The following CLCN7 variants were observed in gnomAD, a reference collection of about 807,000 sequenced individuals.
The protein encoded by CLCN7 is Cl-/H+ antiporter 7.
CLCN7 carries 60 observed loss-of-function variants against 102.1 expected under a neutral mutation model. That is an observed-to-expected ratio of 0.59 (90% confidence interval 0.48 to 0.73). The LOEUF is 0.73. CLCN7 is among the 30% of genes least tolerant of loss of function. The pLI is 0.00. For missense variants in CLCN7, 962 were observed against 1,125.7 expected (o/e 0.85, Z 2.08); for synonymous variants, 560 against 490.5 (o/e 1.14, Z -1.87).
rs560363697 is a variant in CLCN7, at chr16:1,466,442, C to A, written c.142-1104G>T. Among the ~76,000 whole-genome samples the A allele has an allele frequency of 1.3e-5, 2 of 152,350 alleles. 1 individual carries two copies. Among genetic ancestry groups the A allele is most frequent in the South Asian group, 4.1e-4 (2 of 4,832 alleles). On this transcript the variant is annotated intron_variant, in intron 1 of 24. Coordinates refer to ENST00000382745, the MANE Select transcript of CLCN7 (RefSeq NM_001287.6). ...GCCGAGGTGGGGACGGGGAGACGTG[C>A]AGGAACGGCCTGCACTGGGGCCCAG...
At position 1,465,278 on chromosome 16, in the gene CLCN7, G is replaced by T. The variant is rs926749321; in HGVS notation, c.202C>A (p.Leu68Ile). The change falls in exon 2 of 25, where the codon CTT (leucine) becomes ATT (isoleucine). Residue 68 changes from leucine to isoleucine, a missense_variant. Physicochemically the swap from Leu to Ile is conservative, Grantham distance 5. Around this residue, in one of 2 missense-constraint regions of CLCN7, gnomAD observed 163 missense variants for 137.7 expected, o/e 1.18. Transcript: ENST00000382745. ...HMSSVELDDE[L>I]LDPDMDPPHP... ...CACCCCCAACTCACCGGGTCCAAAAGTTCATCATCCAGCTCCACGCTGCTC... is the reference window on the plus strand; with the variant it reads ...CACCCCCAACTCACCGGGTCCAAAATTTCATCATCCAGCTCCACGCTGCTC... 1.2e-6 allele frequency: 2 copies of T among 1,613,686 alleles called. No individual in the cohort carries two copies. The highest frequency in any genetic ancestry group is 2.7e-5 in the African/African-American group (2 of 74,936).
intron 6 of CLCN7, among the ~76,000 whole-genome samples, 199 bp downstream of exon 6, chr16:1,460,219 C>T (rs903799483): frequency 5.3e-5 from 8 of 151,760 alleles, no homozygotes; most frequent in Non-Finnish European, 8.8e-5. Context: ...GAGCAGCACC[C>T]CAGGGCTCTG....
chr16:1,474,205 C>T (rs1284296282), intron 1 of CLCN7: 3 of 456,144 alleles, frequency 6.6e-6, no homozygotes, highest in Admixed American at 4.7e-5. Context: ...CGCATTCCAA[C>T]CTCTGACTTG....
rs1226530946 is a variant in CLCN7 at position 1,474,918 on chromosome 16, C to G, written c.57G>C (p.Glu19Asp). ...SWSGRDRDDE[E>D]AAPLLRRTAR... The stretch of plus-strand genomic sequence containing the variant: ...CCGTCCTCCGCAGCAGCGGCGCCGC[C>G]TCCTCGTCGTCCCGGTCCCGGCCGG... Residue 19 changes from glutamate to aspartate, a missense_variant, in exon 1 of 25, where the codon GAG becomes GAC. Physicochemically the swap from Glu to Asp is conservative, Grantham distance 45. Transcript: ENST00000382745. 1.4e-6 allele frequency: 2 copies of G among 1,473,320 alleles called. No homozygotes were observed. Among genetic ancestry groups the G allele is most frequent in the Non-Finnish European group, 9.0e-7 (1 of 1,116,612 alleles). The allele number at this position is 1,473,320 out of a possible 1,614,324, so 91.3% of individuals were successfully genotyped here.
At chr16:1,470,698 A>G (rs2039066680) in intron 1 of CLCN7, among the ~76,000 whole-genome samples, 1 of 152,176 alleles carries the variant, frequency 6.6e-6, no homozygotes. Flanking sequence ...ACCAAGGGGC[A>G]CTTCCTCAAG....
At chr16:1,446,877 G>A (rs1376565332) in intron 24 of CLCN7, 129 bp downstream of exon 24, 2 of 1,138,740 alleles carry the variant, frequency 1.8e-6, no homozygotes, top group Admixed American at 2.0e-5. Context: ...GTGCAGCCAT[G>A]GGGCATGGGC....
intron 1 of CLCN7, among the ~76,000 whole-genome samples, chr16:1,465,859 C>T (rs1331382357): frequency 2.6e-5 from 4 of 152,210 alleles, no homozygotes; most frequent in Non-Finnish European, 5.9e-5. Context: ...GGGTCTCAGC[C>T]ACCTAAGGCT....
intron 17 of CLCN7, chr16:1,449,645 C>A (rs2038712052): frequency 2.4e-6 from 1 of 424,860 alleles, no homozygotes; most frequent in South Asian, 2.3e-5. Flanking sequence ...CCCCGGCACA[C>A]ACGACACAGA....
At chr16:1,450,784 T>A in intron 16 of CLCN7, 118 bp from the exon 17 acceptor site, 1 of 893,622 alleles carries the variant, frequency 1.1e-6, no homozygotes, top group Non-Finnish European at 1.6e-6. Context: ...CAACCTGAGC[T>A]CCCGAGCCCA....
chr16:1,460,327 G>C, intron 6 of CLCN7, 91 bp downstream of exon 6: 1 of 924,348 alleles, frequency 1.1e-6, no homozygotes, highest in Non-Finnish European at 1.8e-6. Flanking sequence ...TGTGATGGTG[G>C]GGGTGGGTGA....
At chr16:1,447,317 C>CA in intron 23 of CLCN7, 75 bp downstream of exon 23, 1 of 1,452,442 alleles carries the variant, frequency 6.9e-7, no homozygotes, top group Non-Finnish European at 9.2e-7. Context: ...CCGGCTGCCC[C>CA]TCCCCGAGGC....
intron 2 of CLCN7, among the ~76,000 whole-genome samples, chr16:1,462,526 C>A (rs1316998616): frequency 6.6e-6 from 1 of 151,632 alleles, no homozygotes; most frequent in Non-Finnish European, 1.5e-5. Context: ...CAGGTGTGCA[C>A]CACCACGCCT....
At chr16:1,469,827 G>A (rs1303431611) in intron 1 of CLCN7, among the ~76,000 whole-genome samples, 1 of 152,262 alleles carries the variant, frequency 6.6e-6, no homozygotes, top group South Asian at 2.1e-4. Flanking sequence ...TGTGCCGATG[G>A]ATGAGTGAGT....
Position 1,448,885 on chromosome 16 carries a change from G to A in CLCN7, c.1797+81C>T, listed in dbSNP as rs551660579. The stretch of plus-strand genomic sequence containing the variant: ...AACCCTGAGCCTACCCCCCGGGACC[G>A]GCTGTTTGGAGGCTCACAGGGGCCC... On this transcript the variant is annotated intron_variant, in intron 19 of 24. Transcript: ENST00000382745. 1,462 of 1,601,658 alleles carry A rather than the reference G, an allele frequency of 9.1e-4. 13 individuals are homozygous for A. In the African/African-American group the frequency reaches 0.017, roughly 19 times the overall value.
At chr16:1,448,223 C>T in intron 21 of CLCN7, 132 bp downstream of exon 21, 2 of 1,242,788 alleles carry the variant, frequency 1.6e-6, no homozygotes, top group Non-Finnish European at 2.3e-6. Context: ...CACTCAGCTT[C>T]CGGCACTCCT....
chr16:1,454,291 G>T, intron 13 of CLCN7, 120 bp downstream of exon 13: 1 of 991,516 alleles, frequency 1.0e-6, no homozygotes, highest in Admixed American at 1.9e-5. Context: ...AGGCCCCCGG[G>T]TGGCCCTGGG....
chr16:1,473,663 G>A (rs922958106), intron 1 of CLCN7, among the ~76,000 whole-genome samples: 2 of 151,626 alleles, frequency 1.3e-5, no homozygotes, highest in African/African-American at 2.4e-5. Context: ...GTGAGCCACC[G>A]TGCCCTGCCG....
intron 1 of CLCN7, chr16:1,474,255 G>C (rs1177000375): frequency 8.8e-6 from 4 of 455,134 alleles, no homozygotes; most frequent in Middle Eastern, 3.3e-4. Flanking sequence ...AATTCAACTC[G>C]GTGCGAAGGG....
chr16:1,449,763 A>G (rs2038714626), intron 17 of CLCN7: 1 of 269,914 alleles, frequency 3.7e-6, no homozygotes, highest in South Asian at 4.9e-5. Context: ...ATGACGGAAC[A>G]TTCTAGAAGT....
Sources: gnomAD v4.1 joint callset for allele counts (sites outside exome capture counted in the v4.1 genomes callset) on GRCh38, gnomAD v4.1.1 for gene constraint, gnomAD v4.1.1 regional missense constraint, MANE v1.5 for transcripts, NCBI Gene and HGNC (gene_info 2026-07-23, HGNC 2026-07-21) for gene names.